Variants in EPHA6 observed in about 807,000 individuals in gnomAD.
EPHA6 encodes the protein EPH receptor A6, also known as ephrin type-A receptor 6.
A neutral mutation model predicts 112.0 loss-of-function variants in EPHA6; 50 were observed. The ratio of observed to expected loss-of-function variants is 0.45; its 90% CI spans 0.36 to 0.56. The LOEUF (loss-of-function observed/expected upper bound fraction) is 0.56. EPHA6 is among the 20% of genes least tolerant of loss of function. The pLI, the probability that EPHA6 is intolerant of heterozygous loss-of-function variation, is 0.00. For synonymous variants in EPHA6, 529 were observed against 490.7 expected, an observed-to-expected ratio of 1.08 and a Z score of -1.03; for missense variants, 1,280 against 1,417.4, an observed-to-expected ratio of 0.90 and a Z score of 1.56.
chr3:96,866,068 C>T (rs1161342750), intron 1 of EPHA6, among the ~76,000 whole-genome samples: 1 of 151,974 alleles, frequency 6.6e-6, no homozygotes, highest in African/African-American at 2.4e-5. Flanking sequence ...GATTGAAACC[C>T]CCTCATCCTA....
intron 5 of EPHA6, among the ~76,000 whole-genome samples, chr3:97,264,342 A>T (rs2108626121): frequency 6.6e-6 from 1 of 152,376 alleles, no homozygotes; most frequent in Admixed American, 6.5e-5. Context: ...ACAGTTGGAC[A>T]TGCCAGCTGC....
intron 12 of EPHA6, among the ~76,000 whole-genome samples, chr3:97,610,554 T>A (rs2107457039): frequency 6.6e-6 from 1 of 151,834 alleles, no homozygotes; most frequent in East Asian, 1.9e-4. Context: ...AGTACCTAAT[T>A]CCTTTGTAAT....
chr3:97,607,194 A>AC (rs2093686255), intron 12 of EPHA6, among the ~76,000 whole-genome samples: 1 of 150,366 alleles, frequency 6.7e-6, no homozygotes, highest in African/African-American at 2.4e-5. Context: ...CAAAAAAAAA[A>AC]AAAAAACACA....
chr3:96,932,411 T>C (rs909555005), intron 2 of EPHA6, among the ~76,000 whole-genome samples: 1 of 152,234 alleles, frequency 6.6e-6, no homozygotes, highest in Non-Finnish European at 1.5e-5. Context: ...GTACTTCAAT[T>C]ATTCAGCTTA....
intron 2 of EPHA6, among the ~76,000 whole-genome samples, chr3:96,892,300 A>C (rs969369438): frequency 2.0e-5 from 3 of 149,930 alleles, no homozygotes; most frequent in Admixed American, 2.0e-4. Flanking sequence ...GGCTCACTGC[A>C]ACCTCTGCCT....
chr3:96,983,987 G>A (rs9822314), intron 2 of EPHA6, among the ~76,000 whole-genome samples: 17,976 of 152,080 alleles, frequency 0.12, 3,226 homozygotes, highest in African/African-American at 0.39. Context: ...GCTTCTTTGC[G>A]ATGGGTTCTA....
At chr3:97,136,220 T>C (rs1442878290) in intron 3 of EPHA6, among the ~76,000 whole-genome samples, 1 of 152,192 alleles carries the variant, frequency 6.6e-6, no homozygotes, top group Non-Finnish European at 1.5e-5. Flanking sequence ...TAACCTATTA[T>C]GAGTCAGCAA....
chr3:96,887,297 C>T (rs1478106280), intron 2 of EPHA6, among the ~76,000 whole-genome samples: 2 of 152,100 alleles, frequency 1.3e-5, no homozygotes, highest in Non-Finnish European at 2.9e-5. Flanking sequence ...TGATGTAGTG[C>T]TCTCCCCCTT....
At chr3:97,023,139 C>T (rs1215581146) in intron 3 of EPHA6, among the ~76,000 whole-genome samples, 7 of 152,090 alleles carry the variant, frequency 4.6e-5, no homozygotes, top group South Asian at 2.1e-4. Context: ...AGTGCAGTGG[C>T]GCGATCTTGG....
At chr3:97,704,492 C>T (rs985229825) in intron 14 of EPHA6, among the ~76,000 whole-genome samples, 3 of 152,132 alleles carry the variant, frequency 2.0e-5, no homozygotes, top group Non-Finnish European at 2.9e-5. Context: ...CCTGGTTTTC[C>T]CTCTTGCCGA....
intron 14 of EPHA6, among the ~76,000 whole-genome samples, chr3:97,663,382 C>A (rs9873513): frequency 6.6e-6 from 1 of 151,392 alleles, no homozygotes; most frequent in East Asian, 1.9e-4. Context: ...ATGTGCACAA[C>A]GTGCAGGTTT....
intron 5 of EPHA6, among the ~76,000 whole-genome samples, chr3:97,348,411 T>A (rs1207920709): frequency 6.6e-6 from 1 of 152,026 alleles, no homozygotes; most frequent in Non-Finnish European, 1.5e-5. Flanking sequence ...AAGTATCAGA[T>A]CTATATAGAT....
intron 3 of EPHA6, among the ~76,000 whole-genome samples, chr3:97,184,335 A>G (rs529771747): frequency 6.6e-6 from 1 of 152,250 alleles, no homozygotes; most frequent in South Asian, 2.1e-4. Context: ...GATGCTCCCT[A>G]GCCATATATG....
intron 5 of EPHA6, among the ~76,000 whole-genome samples, chr3:97,277,317 G>C (rs190517479): frequency 9.2e-5 from 14 of 152,218 alleles, no homozygotes; most frequent in Non-Finnish European, 2.1e-4. Flanking sequence ...GTTCTCTGGC[G>C]GGAAGGGGTG....
chr3:97,716,587 A>G (rs2034245117), intron 14 of EPHA6, among the ~76,000 whole-genome samples: 1 of 151,130 alleles, frequency 6.6e-6, no homozygotes, highest in Non-Finnish European at 1.5e-5. Context: ...AAAAAAAAAA[A>G]AAAAAAAAAA....
chr3:97,356,236 C>T (rs1220671120), intron 5 of EPHA6, among the ~76,000 whole-genome samples: 4 of 152,172 alleles, frequency 2.6e-5, no homozygotes, highest in African/African-American at 9.7e-5. Context: ...TCCATCACCC[C>T]CTCATGGGAC....
At chr3:97,380,850 C>A (rs1186145160) in intron 5 of EPHA6, among the ~76,000 whole-genome samples, 3 of 152,106 alleles carry the variant, frequency 2.0e-5, no homozygotes, top group African/African-American at 4.8e-5. Flanking sequence ...ATAATTAAAA[C>A]AACATCTGCT....
intron 11 of EPHA6, chr3:97,560,697 G>C (rs192021433): frequency 6.6e-6 from 1 of 152,154 alleles, no homozygotes; most frequent in East Asian, 1.9e-4. Context: ...TAATGAGTGA[G>C]TAAAGGCCTT....
chr3:96,891,996 C>A (rs2037990913), intron 2 of EPHA6, among the ~76,000 whole-genome samples: 1 of 152,076 alleles, frequency 6.6e-6, no homozygotes, highest in Non-Finnish European at 1.5e-5. Context: ...TTTTGGAGGC[C>A]CACAGACAGC....
Sources: allele counts gnomAD v4.1 joint callset (sites outside exome capture counted in the v4.1 genomes callset), GRCh38; gene constraint gnomAD v4.1.1; transcripts MANE v1.5; gene names NCBI Gene and HGNC (gene_info 2026-07-23, HGNC 2026-07-21).